The following CLCN6 variants were observed in gnomAD, a reference collection of about 807,000 sequenced individuals.
CLCN6 encodes Cl-/H+ antiporter 6, also known as H(+)/Cl(-) exchange transporter 6.
A neutral mutation model predicts 109.8 loss-of-function variants in CLCN6; 70 were observed. The ratio of observed to expected loss-of-function variants is 0.64; its 90% CI spans 0.53 to 0.78. The LOEUF is 0.78. Ranked by LOEUF, CLCN6 falls within the 30% of genes least tolerant of loss-of-function variation. The pLI, the probability that CLCN6 is intolerant of heterozygous loss-of-function variation, is 0.00. For synonymous variants in CLCN6, 444 were observed against 447.8 expected, an observed-to-expected ratio of 0.99 and a Z score of 0.11; for missense variants, 984 against 1,142.3, an observed-to-expected ratio of 0.86 and a Z score of 2.00.
Position 11,823,803 on chromosome 1 carries a change from G to C in CLCN6, c.550G>C (p.Val184Leu). 1.9e-6 allele frequency: 3 copies of C among 1,614,260 alleles called. No homozygotes were observed. The highest frequency in any genetic ancestry group is 2.5e-6 in the Non-Finnish European group (3 of 1,180,050). ...IVRLRTLLCK[V>L]LGVLFSVAGG... ...CCGTCTCCGGACCCTGCTCTGCAAG[G>C]TCCTTGGAGTGCTGTTCAGTGTGGC... The change falls in exon 7 of 23, where the codon GTC (valine) becomes CTC (leucine). Residue 184 changes from valine (V) to leucine (L), a missense_variant. Val to Leu is a conservative substitution (Grantham distance 32). Transcript: ENST00000346436.
chr1:11,812,669 TG>T (rs1244678041), intron 2 of CLCN6, among the ~76,000 whole-genome samples: 4 of 63,498 alleles, frequency 6.3e-5, no homozygotes, highest in Non-Finnish European at 1.2e-4. Flanking sequence ...TATGTTTGTG[TG>T]TGTGTGTGTG....
In CLCN6 at chr1:11,828,130, T is replaced by TG; in HGVS notation, c.865_866insG (p.Phe289CysfsTer30). On this transcript the variant is annotated frameshift_variant, in exon 11 of 23. Coordinates refer to ENST00000346436, the MANE Select transcript of CLCN6 (RefSeq NM_001286.5). LOFTEE classifies it high-confidence loss of function. ...GCTCTTTTGTTCCATGTCTGCCACC[T>TG]TCACCCTCAACTTCTTCCGTTCTGG... 1 of 1,614,150 alleles carries TG rather than the reference T, an allele frequency of 6.2e-7. No individual in the cohort carries two copies. The highest frequency in any genetic ancestry group is 8.5e-7 in the Non-Finnish European group (1 of 1,179,956).
At chr1:11,823,681 T>C (rs764031492) in intron 6 of CLCN6, 26 bp from the exon 7 acceptor site, 12 of 1,614,014 alleles carry the variant, frequency 7.4e-6, no homozygotes, top group South Asian at 2.2e-5. Context: ...TTTCGAGTTA[T>C]GGGTGTGCCT....
At chr1:11,831,204 T>C (rs1344018301) in intron 13 of CLCN6, among the ~76,000 whole-genome samples, 1 of 151,248 alleles carries the variant, frequency 6.6e-6, no homozygotes, top group Non-Finnish European at 1.5e-5. Flanking sequence ...TTGCCCAAGC[T>C]GGAGTGGAGT....
At chr1:11,809,320 C>T (rs1418550007) in intron 2 of CLCN6, among the ~76,000 whole-genome samples, 3 of 152,172 alleles carry the variant, frequency 2.0e-5, no homozygotes, top group African/African-American at 7.2e-5. Context: ...GTCTCACAGC[C>T]TTCATCCTAC....
intron 5 of CLCN6, among the ~76,000 whole-genome samples, chr1:11,821,756 G>T (rs1644746764): frequency 6.6e-6 from 1 of 152,176 alleles, no homozygotes. Context: ...CATGTACAAA[G>T]GTGGTAATTA....
In CLCN6 at chr1:11,833,658, C is replaced by A; in HGVS notation, c.1372+20C>A. The A allele has an allele frequency of 6.2e-7, 1 of 1,612,406 alleles. No homozygotes were observed. On this transcript the variant is annotated intron_variant, in intron 14 of 22. Transcript: ENST00000346436. ...AGGATGGTGAGTGTCTGCACTGCAG[C>A]CCAATCGTGGGTGATTGGTGTCATC...
At chr1:11,825,702 A>G (rs562319561) in intron 8 of CLCN6, among the ~76,000 whole-genome samples, 163 of 152,054 alleles carry the variant, frequency 1.1e-3, no homozygotes, top group Non-Finnish European at 2.0e-3. Flanking sequence ...TGCTCACTAC[A>G]GCCTCCGCCT....
chr1:11,833,488 A>G (rs768325338), intron 13 of CLCN6, 27 bp from the exon 14 acceptor site: 1 of 1,612,156 alleles, frequency 6.2e-7, no homozygotes, highest in Non-Finnish European at 8.5e-7. Context: ...GTGTCCTTGT[A>G]CTGATTTTCT....
intron 12 of CLCN6, among the ~76,000 whole-genome samples, chr1:11,828,889 T>G (rs1644846353): frequency 1.3e-5 from 2 of 152,228 alleles, no homozygotes; most frequent in Non-Finnish European, 2.9e-5. Context: ...AGGGTCACCG[T>G]GGCCCTGCCG....
At chr1:11,829,075 A>G in intron 12 of CLCN6, 121 bp from the exon 13 acceptor site, 1 of 1,132,988 alleles carries the variant, frequency 8.8e-7, no homozygotes, top group Non-Finnish European at 1.3e-6. Flanking sequence ...TTGACTGACC[A>G]GGGGCTGCTG....
chr1:11,814,687 T>C (rs772200171), intron 2 of CLCN6, among the ~76,000 whole-genome samples: 10 of 152,134 alleles, frequency 6.6e-5, no homozygotes, highest in Non-Finnish European at 1.2e-4. Flanking sequence ...GCTTCAGATG[T>C]AGAAGTTTTA....
At chr1:11,837,234 G>A (rs1644962108) in intron 19 of CLCN6, 78 bp downstream of exon 19, 2 of 1,591,482 alleles carry the variant, frequency 1.3e-6, no homozygotes, top group Non-Finnish European at 1.7e-6. Flanking sequence ...ATGTTGTGAG[G>A]TGGCTCCTGA....
At chr1:11,827,054 C>G in intron 9 of CLCN6, 35 bp from the exon 10 acceptor site, 2 of 1,607,358 alleles carry the variant, frequency 1.2e-6, no homozygotes, top group Non-Finnish European at 1.7e-6. Flanking sequence ...GCTGGGGGCT[C>G]TTTATTGGAT....
At position 11,840,149 on chromosome 1, in the gene CLCN6, G is replaced by A. The variant is rs1324202281; in HGVS notation, c.2536G>A (p.Gly846Arg). The change falls in exon 23 of 23, where the codon GGG becomes AGG. Residue 846 changes from glycine (G) to arginine (R), a missense_variant. Gly to Arg is a moderately radical substitution (Grantham distance 125). Transcript: ENST00000346436. ...GGCCTTCTCTTTGCCCTAGATCGTG[G>A]GGATCATCACACGGCACAACCTCAC... is the stretch of plus-strand genomic sequence containing the variant. ...PVVNAVGEIV[G>R]IITRHNLTYE... The A allele has an allele frequency of 6.2e-7, 1 of 1,613,836 alleles. No individual in the cohort carries two copies. Among genetic ancestry groups the A allele is most frequent in the Admixed American group, 1.7e-5 (1 of 60,022 alleles).
chr1:11,829,833 C>CCTG, intron 13 of CLCN6: 1 of 159,900 alleles, frequency 6.3e-6, no homozygotes. Flanking sequence ...TTGAACAACA[C>CCTG]TCATGGGAAA....
intron 22 of CLCN6, among the ~76,000 whole-genome samples, chr1:11,839,252 T>TTGTTGTTGTTGC (rs1557436954): frequency 6.6e-6 from 1 of 151,866 alleles, no homozygotes; most frequent in East Asian, 1.9e-4. Context: ...TCTCAGTCTT[T>TTGTTGTTGTTGC]TGTTGTTGTT....
intron 2 of CLCN6, among the ~76,000 whole-genome samples, chr1:11,812,561 A>T (rs1246799010): frequency 6.6e-6 from 1 of 151,452 alleles, no homozygotes; most frequent in East Asian, 1.9e-4. Context: ...CTTTCTGGTG[A>T]CCAGCCCCTT....
At chr1:11,817,979 G>A (rs966608459) in intron 4 of CLCN6, among the ~76,000 whole-genome samples, 1 of 151,982 alleles carries the variant, frequency 6.6e-6, no homozygotes, top group East Asian at 1.9e-4. Flanking sequence ...TCAGGGTGTT[G>A]GGCCAGGGAC....
Sources: allele counts gnomAD v4.1 joint callset (sites outside exome capture counted in the v4.1 genomes callset), GRCh38; gene constraint gnomAD v4.1.1; transcripts MANE v1.5; gene names NCBI Gene and HGNC (gene_info 2026-07-23, HGNC 2026-07-21).